Variants in NACA observed in about 807,000 individuals in gnomAD.
NACA encodes the protein nascent polypeptide associated complex subunit alpha, also known as nascent polypeptide-associated complex subunit alpha.
NACA carries 42 observed loss-of-function variants against 86.4 expected under a neutral mutation model. That is an observed-to-expected ratio of 0.49 (90% CI 0.38 to 0.63). The LOEUF (loss-of-function observed/expected upper bound fraction) is 0.63. Ranked by LOEUF, NACA falls within the 20% of genes least tolerant of loss-of-function variation. The pLI is 0.00. For synonymous variants in NACA, 898 were observed against 973.7 expected (o/e 0.92, Z 1.45); for missense variants, 2,157 against 2,483.6 (o/e 0.87, Z 2.80).
intron 2 of NACA, among the ~76,000 whole-genome samples, 179 bp downstream of exon 2, chr12:56,724,273 A>G (rs1003798963): frequency 2.0e-5 from 3 of 152,186 alleles, no homozygotes; most frequent in Admixed American, 6.5e-5. Flanking sequence ...TCTTAAAAAT[A>G]TTATTTTTAC....
In NACA at chr12:56,716,998, G is replaced by T; in HGVS notation, c.4532C>A (p.Ser1511Tyr). Residue 1511 changes from serine to tyrosine, a missense_variant, in exon 3 of 9, where the codon TCT becomes TAT. Ser to Tyr is a moderately radical substitution (Grantham distance 144, BLOSUM62 -2). Coordinates refer to ENST00000454682, the MANE Select transcript of NACA (RefSeq NM_001365896.1). ...GGTAGCTGGGACCTCTTTGGGGGAA[G>T]AAGGAATCACAGCTGGCAGAGTGGG... is the stretch of plus-strand genomic sequence containing the variant. ...GAPTLPAVIP[S>Y]SPKEVPATPS... 1 of 1,284,406 alleles carries T rather than the reference G, an allele frequency of 7.8e-7. No homozygotes were observed. Among genetic ancestry groups the T allele is most frequent in the Non-Finnish European group, 1.0e-6 (1 of 996,836 alleles). 79.6% of individuals were successfully genotyped at this position (1,284,406 alleles called of 1,614,324 possible). A position where few individuals can be genotyped will look rare whatever the true frequency, so the allele number is the denominator to read the frequency against.
intron 3 of NACA, among the ~76,000 whole-genome samples, chr12:56,714,922 A>G (rs1565892395): frequency 6.6e-6 from 1 of 152,176 alleles, no homozygotes; most frequent in Non-Finnish European, 1.5e-5. Flanking sequence ...TAATCACTAG[A>G]AATAGCTGAG....
Position 56,720,618 on chromosome 12 carries a change from A to T in NACA, c.912T>A (p.Ser304=). 1.2e-6 allele frequency: 2 copies of T among 1,614,040 alleles called. No homozygotes were observed. Among genetic ancestry groups the T allele is most frequent in the Non-Finnish European group, 1.7e-6 (2 of 1,179,914 alleles). Residue 304 remains serine, a synonymous_variant, in exon 3 of 9, where the codon TCT becomes TCA. Transcript: ENST00000454682. ...GPNTPPDFPI[S]LGSHLAPLHQ... ...GTAAAGGTGCAAGATGAGAGCCCAG[A>T]GAAATGGGAAAATCTGGGGGGGTGT...
intron 2 of NACA, among the ~76,000 whole-genome samples, chr12:56,722,019 A>T (rs542551399): frequency 1.3e-5 from 2 of 152,356 alleles, no homozygotes; most frequent in Non-Finnish European, 2.9e-5. Context: ...ACAGGCTTTT[A>T]TACTTTCAGG....
At chr12:56,715,798 G>T (rs1327760922) in intron 3 of NACA, 73 bp downstream of exon 3, 3 of 1,333,112 alleles carry the variant, frequency 2.3e-6, no homozygotes, top group South Asian at 1.7e-5. Flanking sequence ...CACAGGGTTA[G>T]TATTGGTGGG....
chr12:56,724,579 C>A, intron 1 of NACA, 56 bp from the exon 2 acceptor site: 1 of 1,542,582 alleles, frequency 6.5e-7, no homozygotes, highest in East Asian at 2.3e-5. Flanking sequence ...TTCACTTGCC[C>A]AACCCGGAGA....
At chr12:56,712,962 GTTCTTTGGAGT>G in intron 7 of NACA, 54 bp from the exon 8 acceptor site, 4 of 1,612,760 alleles carry the variant, frequency 2.5e-6, no homozygotes, top group Non-Finnish European at 3.4e-6. Flanking sequence ...AATTTCAGCA[GTTCTTTGGAGT>G]CTCCTGAATC....
rs76463302 is a variant in NACA, at chr12:56,719,357, C to T, written c.2173G>A (p.Val725Met). 8.7e-4 allele frequency: 1,407 copies of T among 1,609,654 alleles called. 12 individuals carry two copies. In the African/African-American group the frequency reaches 9.0e-3, roughly 10 times the overall value. Residue 725 changes from valine to methionine, a missense_variant, in exon 3 of 9, where the codon GTG (valine) becomes ATG (methionine). Transcript: ENST00000454682. ...GACTTTGGGATTTCAGGGGCCAGCA[C>T]TAAGGTAGCCAGAGGAGCACAGGTA... is the stretch of plus-strand genomic sequence containing the variant. The part of the protein sequence containing the change: ...QNTCAPLATL[V>M]LAPEIPKSVP...
At chr12:56,715,814 C>A in intron 3 of NACA, 57 bp downstream of exon 3, 1 of 1,438,950 alleles carries the variant, frequency 6.9e-7, no homozygotes, top group African/African-American at 1.4e-5. Context: ...GTGGGTAGCG[C>A]CCAAGAGGGG....
intron 2 of NACA, among the ~76,000 whole-genome samples, chr12:56,722,246 C>T (rs1192958074): frequency 6.6e-6 from 1 of 152,184 alleles, no homozygotes; most frequent in Non-Finnish European, 1.5e-5. Context: ...ATAAACCTTC[C>T]TAGGTGATGT....
In NACA at chr12:56,718,714, G is replaced by T. The variant is rs951839317; in HGVS notation, c.2816C>A (p.Ala939Asp). Reference protein sequence around the residue: ...GIPASPSPKGAPTPPAATPPS... With the variant: ...GIPASPSPKGDPTPPAATPPS... ...AGGAGTTGCAGCTGGGGGTGTGGGG[G>T]CCCCTTTGGGGGATGGGGAAGCTGG... Residue 939 changes from alanine (A) to aspartate (D), a missense_variant, in exon 3 of 9, where the codon GCC (alanine) becomes GAC (aspartate). By Grantham distance (126) the Ala-to-Asp change is moderately radical. Transcript: ENST00000454682. 1 of 1,433,644 alleles carries T rather than the reference G, an allele frequency of 7.0e-7. No homozygotes were observed. The highest frequency in any genetic ancestry group is 1.9e-5 in the Admixed American group (1 of 51,684). 88.8% of individuals were successfully genotyped at this position (1,433,644 alleles called of 1,614,324 possible). A position where few individuals can be genotyped will look rare whatever the true frequency, so the allele number is the denominator to read the frequency against.
In NACA at chr12:56,716,729, TGAG is replaced by T. The variant is rs1953378249; in HGVS notation, c.4798_4800del (p.Leu1600del). 2 of 1,391,356 alleles carry T rather than the reference TGAG, an allele frequency of 1.4e-6. No homozygotes were observed. The highest frequency in any genetic ancestry group is 2.5e-5 in the South Asian group (2 of 80,366). The allele number at this position is 1,391,356 out of a possible 1,614,324, so 86.2% of individuals were successfully genotyped here. A position where few individuals can be genotyped will look rare whatever the true frequency, so the allele number is the denominator to read the frequency against. Reference sequence around the variant, plus strand: ...GAAGGAGAAGTCACAGCTGGTGGAATGAGGAGCTCTTTGGGGGATGGGGCCCCT... The same window carrying T: ...GAAGGAGAAGTCACAGCTGGTGGAATGAGCTCTTTGGGGGATGGGGCCCCT... On this transcript the variant is annotated inframe_deletion, in exon 3 of 9. Coordinates refer to ENST00000454682, the MANE Select transcript of NACA (RefSeq NM_001365896.1).
At chr12:56,714,322 AG>A (rs1953290404) in intron 5 of NACA, 39 bp downstream of exon 5, 1 of 1,593,396 alleles carries the variant, frequency 6.3e-7, no homozygotes. Context: ...CTCTGTATAA[AG>A]GTGCTTCATA....
chr12:56,724,263 T>A (rs1174394496), intron 2 of NACA, among the ~76,000 whole-genome samples, 189 bp downstream of exon 2: 2 of 152,192 alleles, frequency 1.3e-5, no homozygotes, highest in Non-Finnish European at 2.9e-5. Flanking sequence ...CGTCCACGAA[T>A]CTTAAAAATA....
chr12:56,713,823 G>T, intron 5 of NACA, 140 bp from the exon 6 acceptor site: 1 of 861,854 alleles, frequency 1.2e-6, no homozygotes, highest in Non-Finnish European at 1.8e-6. Context: ...TGGGTTTTCT[G>T]CCGTAGTAAC....
chr12:56,720,907 A>G lies in NACA; in HGVS notation c.623T>C (p.Ile208Thr). ...NPKGTPSPPC[I>T]VSTVPYHCVT... Reference sequence around the variant, plus strand: ...ACAGTGGTAAGGAACAGTACTGACTATACATGGAGGGCTGGGGGTGCCTTT... The same window carrying G: ...ACAGTGGTAAGGAACAGTACTGACTGTACATGGAGGGCTGGGGGTGCCTTT... Residue 208 changes from isoleucine to threonine, a missense_variant, in exon 3 of 9, where the codon ATA (isoleucine) becomes ACA (threonine). By Grantham distance (89) the Ile-to-Thr change is moderately conservative. Transcript: ENST00000454682. 3 of 1,613,974 alleles carry G rather than the reference A, an allele frequency of 1.9e-6. No homozygotes were observed. Among genetic ancestry groups the G allele is most frequent in the Non-Finnish European group, 2.5e-6 (3 of 1,179,860 alleles).
Position 56,720,167 on chromosome 12 carries a change from T to C in NACA, c.1363A>G (p.Thr455Ala), listed in dbSNP as rs1377016119. ...ACACAAGTAGCTACCTCAAAGGTAG[T>C]AGTAGGTGCTGCAGCAATTGTACAG... The part of the protein sequence containing the change: ...NPCTIAAAPT[T>A]TFEVATCVSP... The change falls in exon 3 of 9, where the codon ACT becomes GCT. Residue 455 changes from threonine to alanine, a missense_variant. Around this residue, in one of 8 missense-constraint regions of NACA, gnomAD observed 947 missense variants for 917.9 expected, o/e 1.03. Coordinates refer to ENST00000454682, the MANE Select transcript of NACA (RefSeq NM_001365896.1). The C allele has an allele frequency of 5.0e-6, 8 of 1,613,698 alleles. No individual in the cohort carries two copies. Among genetic ancestry groups the C allele is most frequent in the Non-Finnish European group, 6.8e-6 (8 of 1,179,856 alleles).
rs779989127 is a variant in NACA at position 56,716,382 on chromosome 12, T to C, written c.5148A>G (p.Ile1716Met). 2 of 1,610,130 alleles carry C rather than the reference T, an allele frequency of 1.2e-6. No individual in the cohort carries two copies. The highest frequency in any genetic ancestry group is 1.7e-6 in the Non-Finnish European group (2 of 1,178,008). Residue 1716 changes from isoleucine (I) to methionine (M), a missense_variant, in exon 3 of 9, where the codon ATA becomes ATG. Physicochemically the swap from Ile to Met is conservative, Grantham distance 10. This residue lies in a region of NACA where 797 missense variants were observed against 777.6 expected (regional missense o/e 1.02). Transcript: ENST00000454682. ...CATTCTTAGCTGAGGGATCTGGGCA[T>C]ATAGGAGGTGAAGTAGCAGAACTCT... ...TKKSSATSPP[I>M]CPDPSAKNGS...
chr12:56,716,877 T>C lies in NACA; in HGVS notation c.4653A>G (p.Pro1551=). The change falls in exon 3 of 9, where the codon CCA becomes CCG. Residue 1551 remains proline (P), a synonymous_variant. Transcript: ENST00000454682. ...TTTTAGGGGAGGGAACAGTCATAGC[T>C]GGGGGAATGAGGGCCTCTTTGGGGG... ...TLAPKEALIP[P]AMTVPSPKKT... The C allele has an allele frequency of 3.9e-6, 5 of 1,287,386 alleles. No individual in the cohort carries two copies. Among genetic ancestry groups the C allele is most frequent in the Non-Finnish European group, 5.0e-6 (5 of 997,386 alleles). 79.7% of individuals were successfully genotyped at this position (1,287,386 alleles called of 1,614,324 possible).
Sources: allele counts gnomAD v4.1 joint callset (sites outside exome capture counted in the v4.1 genomes callset), GRCh38; gene constraint gnomAD v4.1.1; regional missense constraint gnomAD v4.1.1; transcripts MANE v1.5; gene names NCBI Gene and HGNC (gene_info 2026-07-23, HGNC 2026-07-21).